Variants in LRMDA observed in about 807,000 individuals in gnomAD.
LRMDA encodes the protein leucine rich melanocyte differentiation associated.
LRMDA carries 18 observed loss-of-function variants against 29.8 expected under a neutral mutation model. The observed-to-expected ratio is 0.60, with a 90% CI of 0.42 to 0.90. LRMDA has a LOEUF of 0.90. Among genes scored for constraint, LRMDA ranks in the 40% least tolerant of loss-of-function variants. The pLI, the probability that LRMDA is intolerant of heterozygous loss-of-function variation, is 0.00. For missense variants in LRMDA, 273 were observed against 273.9 expected, an observed-to-expected ratio of 1.00 and a Z score of 0.02; for synonymous variants, 125 against 109.4, an observed-to-expected ratio of 1.14 and a Z score of -0.89.
At chr10:75,559,724 G>A (rs1173642558) in intron 2 of LRMDA, among the ~76,000 whole-genome samples, 1 of 146,410 alleles carries the variant, frequency 6.8e-6, no homozygotes, top group Non-Finnish European at 1.5e-5. Context: ...GTGTAAGGAA[G>A]GGATCCAGTT....
chr10:75,785,427 C>T (rs1211738070), intron 2 of LRMDA, among the ~76,000 whole-genome samples: 7 of 152,180 alleles, frequency 4.6e-5, no homozygotes, highest in African/African-American at 7.2e-5. Flanking sequence ...TGAGCATGGT[C>T]ACCAGGCTGC....
intron 2 of LRMDA, among the ~76,000 whole-genome samples, chr10:75,777,227 A>G (rs1001343026): frequency 1.3e-5 from 2 of 152,190 alleles, no homozygotes; most frequent in African/African-American, 4.8e-5. Flanking sequence ...AACATTAAAG[A>G]TGTGAAGCTC....
At chr10:75,961,870 C>G (rs1306898252) in intron 2 of LRMDA, among the ~76,000 whole-genome samples, 1 of 152,108 alleles carries the variant, frequency 6.6e-6, no homozygotes, top group African/African-American at 2.4e-5. Context: ...TCCTTCTAGG[C>G]TGTGAAGGAG....
intron 2 of LRMDA, among the ~76,000 whole-genome samples, chr10:75,740,439 C>G (rs1842815420): frequency 6.6e-6 from 1 of 152,068 alleles, no homozygotes; most frequent in South Asian, 2.1e-4. Context: ...TTTGTGCAGC[C>G]CTGTGTGATG....
intron 2 of LRMDA, among the ~76,000 whole-genome samples, chr10:75,493,348 G>GTGTGTGTGTGT (rs1774093324): frequency 3.8e-5 from 5 of 133,270 alleles, no homozygotes; most frequent in Admixed American, 1.5e-4. Flanking sequence ...GTTGAGATTG[G>GTGTGTGTGTGT]GTGTGTGTGT....
At chr10:75,905,255 T>A (rs1267925149) in intron 2 of LRMDA, among the ~76,000 whole-genome samples, 12 of 143,328 alleles carry the variant, frequency 8.4e-5, no homozygotes, top group Middle Eastern at 3.8e-3. Flanking sequence ...TTTTTTTTTT[T>A]AAATCATAGA....
chr10:75,838,117 A>C lies in LRMDA; in HGVS notation c.132-197891A>C, dbSNP rs112918622. Among the ~76,000 whole-genome samples, 763 of 152,302 alleles carry C rather than the reference A, an allele frequency of 5.0e-3. 2 individuals are homozygous for C. Among genetic ancestry groups the C allele is most frequent in the Non-Finnish European group, 8.7e-3 (590 of 68,010 alleles). On this transcript the variant is annotated intron_variant, in intron 2 of 6. Coordinates refer to ENST00000611255, the MANE Select transcript of LRMDA (RefSeq NM_001305581.2). Reference sequence around the variant, plus strand: ...CTAAATTTGATGACTGAAATGTTCTATTTTTCAAATGTCCATAACATTATC... The same window carrying C: ...CTAAATTTGATGACTGAAATGTTCTCTTTTTCAAATGTCCATAACATTATC...
chr10:76,298,331 C>T (rs551652776), intron 5 of LRMDA, among the ~76,000 whole-genome samples: 3 of 152,254 alleles, frequency 2.0e-5, no homozygotes, highest in African/African-American at 4.8e-5. Flanking sequence ...CTGAGCTGGA[C>T]GTGGTGAGAG....
At chr10:76,323,589 G>A (rs563838033) in intron 5 of LRMDA, among the ~76,000 whole-genome samples, 1 of 152,188 alleles carries the variant, frequency 6.6e-6, no homozygotes, top group Non-Finnish European at 1.5e-5. Flanking sequence ...TGTGAGTGTG[G>A]CATACTGGCC....
At chr10:75,867,842 G>T (rs1014864363) in intron 2 of LRMDA, among the ~76,000 whole-genome samples, 11 of 152,076 alleles carry the variant, frequency 7.2e-5, no homozygotes, top group Admixed American at 7.2e-4. Context: ...GCTATTTTTG[G>T]CTTTGGGTCC....
intron 2 of LRMDA, among the ~76,000 whole-genome samples, chr10:75,546,218 C>A (rs139641479): frequency 7.2e-5 from 11 of 152,258 alleles, no homozygotes; most frequent in African/African-American, 1.9e-4. Flanking sequence ...AGTGATCTTA[C>A]TGAGCTCTAG....
At chr10:76,494,138 T>C (rs1842859997) in intron 6 of LRMDA, among the ~76,000 whole-genome samples, 1 of 152,010 alleles carries the variant, frequency 6.6e-6, no homozygotes, top group South Asian at 2.1e-4. Flanking sequence ...TCTTTCTTTC[T>C]TTCCAATGTA....
At chr10:76,179,506 C>T (rs990436588) in intron 5 of LRMDA, among the ~76,000 whole-genome samples, 2 of 152,102 alleles carry the variant, frequency 1.3e-5, no homozygotes, top group African/African-American at 4.8e-5. Flanking sequence ...AGGAGGATGG[C>T]TGGGAGGATC....
chr10:75,818,101 T>C (rs562083442), intron 2 of LRMDA, among the ~76,000 whole-genome samples: 1 of 152,210 alleles, frequency 6.6e-6, no homozygotes, highest in Admixed American at 6.5e-5. Flanking sequence ...TCCCTTTTTA[T>C]TTGAGATATC....
At chr10:76,294,381 C>T (rs1014838870) in intron 5 of LRMDA, among the ~76,000 whole-genome samples, 6 of 152,114 alleles carry the variant, frequency 3.9e-5, no homozygotes, top group African/African-American at 1.4e-4. Flanking sequence ...TAAGTATTTA[C>T]CTTTATACTG....
chr10:76,528,143 G>T (rs1037495264), intron 6 of LRMDA, among the ~76,000 whole-genome samples: 1 of 152,100 alleles, frequency 6.6e-6, no homozygotes, highest in African/African-American at 2.4e-5. Flanking sequence ...ATTGAGGCTA[G>T]ATGCATTCAC....
At chr10:76,529,367 T>C (rs1843210421) in intron 6 of LRMDA, among the ~76,000 whole-genome samples, 1 of 152,150 alleles carries the variant, frequency 6.6e-6, no homozygotes, top group South Asian at 2.1e-4. Flanking sequence ...ATGCTATTAA[T>C]AGTCACTGCT....
intron 5 of LRMDA, among the ~76,000 whole-genome samples, chr10:76,085,496 C>T (rs534439119): frequency 3.5e-4 from 53 of 152,272 alleles, no homozygotes; most frequent in African/African-American, 8.7e-4. Flanking sequence ...CAAGTCTGCT[C>T]GCCCCACACA....
At chr10:75,560,108 A>G (rs1214712748) in intron 2 of LRMDA, among the ~76,000 whole-genome samples, 1 of 151,570 alleles carries the variant, frequency 6.6e-6, no homozygotes, top group East Asian at 2.0e-4. Context: ...CATTGAATCT[A>G]TAAATTACCT....
Sources: gnomAD v4.1 joint callset for allele counts (sites outside exome capture counted in the v4.1 genomes callset) on GRCh38, gnomAD v4.1.1 for gene constraint, MANE v1.5 for transcripts, NCBI Gene and HGNC (gene_info 2026-07-23, HGNC 2026-07-21) for gene names.